Variants in GPR137 observed in about 807,000 individuals in gnomAD.
GPR137 encodes G protein-coupled receptor 137.
In GPR137, 20 loss-of-function variants were observed where a neutral mutation model predicts 38.9. That is an observed-to-expected ratio of 0.51 (90% CI 0.36 to 0.75). The LOEUF is 0.75. Among genes scored for constraint, GPR137 ranks in the 30% least tolerant of loss-of-function variants. GPR137 has a pLI of 0.00. For synonymous variants in GPR137, 226 were observed against 235.8 expected, an observed-to-expected ratio of 0.96 and a Z score of 0.38; for missense variants, 456 against 526.4, an observed-to-expected ratio of 0.87 and a Z score of 1.31.
chr11:64,287,473 C>T (rs2034224629), intron 2 of GPR137: 1 of 581,866 alleles, frequency 1.7e-6, no homozygotes, highest in African/African-American at 2.0e-5. Flanking sequence ...ACAGCAGGAT[C>T]AAGGTCGCAG....
At chr11:64,284,781 G>A (rs1394229223), upstream of GPR137, 3 of 1,532,986 alleles carry the variant, frequency 2.0e-6, no homozygotes, top group African/African-American at 1.4e-5. Flanking sequence ...CAGAGGCGGG[G>A]TCAACCCGGC....
upstream of GPR137, among the ~76,000 whole-genome samples, chr11:64,283,187 G>A (rs753767599): frequency 6.6e-5 from 10 of 152,324 alleles, no homozygotes; most frequent in Non-Finnish European, 1.3e-4. Flanking sequence ...CTGAAAATGG[G>A]GAGGAGGTCT....
chr11:64,285,524 T>A (rs930660361), upstream of GPR137: 3 of 984,838 alleles, frequency 3.0e-6, no homozygotes, highest in Middle Eastern at 5.2e-4. Flanking sequence ...GGGACGGGAA[T>A]CCGTTGCCGC....
chr11:64,289,244 C>G lies in GPR137; in HGVS notation c.*48C>G. On this transcript the variant is annotated 3_prime_UTR_variant, in exon 7 of 7. Transcript: ENST00000438980. ...TACCCAGGCCCCAGTCCCCCTCACC[C>G]TAGGCCCCTGTGCCAAGTTTGTCTG... The G allele has an allele frequency of 1.2e-6, 2 of 1,612,920 alleles. No individual in the cohort carries two copies. Among genetic ancestry groups the G allele is most frequent in the South Asian group, 2.2e-5 (2 of 91,070 alleles).
In GPR137 at chr11:64,289,391, A is replaced by G; in HGVS notation, c.*195A>G. On this transcript the variant is annotated 3_prime_UTR_variant, in exon 7 of 7. Coordinates refer to ENST00000438980, the MANE Select transcript of GPR137 (RefSeq NM_001170880.2). ...GATGGGGGGCATGGCCCTGGCTGCC[A>G]GATGCCCACAGCACCCTGGCATGAC... The G allele has an allele frequency of 6.4e-7, 1 of 1,553,690 alleles. No homozygotes were observed. Among genetic ancestry groups the G allele is most frequent in the Non-Finnish European group, 8.7e-7 (1 of 1,149,844 alleles).
rs191133016 is a variant in GPR137 at position 64,288,929 on chromosome 11, G to A, written c.1032-108G>A. 57 of 1,442,954 alleles carry A rather than the reference G, an allele frequency of 4.0e-5. No individual in the cohort carries two copies. In the East Asian group the frequency reaches 6.7e-4, roughly 17 times the overall value. The allele number at this position is 1,442,954 out of a possible 1,614,324, so 89.4% of individuals were successfully genotyped here. Reference sequence around the variant, plus strand: ...AGAGATGTACTTTGTCCTGGGCCCCGAAGGTCTAGGTCACAGGGGTTCTGT... The same window carrying A: ...AGAGATGTACTTTGTCCTGGGCCCCAAAGGTCTAGGTCACAGGGGTTCTGT... On this transcript the variant is annotated intron_variant, in intron 6 of 6. Coordinates refer to ENST00000438980, the MANE Select transcript of GPR137 (RefSeq NM_001170880.2). The surrounding 1 kb of genome is among the most constrained non-coding windows in gnomAD (Gnocchi z 5.5).
chr11:64,282,183 C>G (rs1443784113), upstream of GPR137, among the ~76,000 whole-genome samples: 1 of 152,204 alleles, frequency 6.6e-6, no homozygotes, highest in Non-Finnish European at 1.5e-5. Flanking sequence ...GCAACTGGAA[C>G]AGCCTGTGTC....
chr11:64,285,905 C>A lies in GPR137; in HGVS notation c.-620C>A. The A allele has an allele frequency of 1.0e-6, 1 of 971,156 alleles. No homozygotes were observed. Among genetic ancestry groups the A allele is most frequent in the Non-Finnish European group, 1.2e-6 (1 of 816,880 alleles). 60.2% of individuals were successfully genotyped at this position (971,156 alleles called of 1,614,324 possible). A position where few individuals can be genotyped will look rare whatever the true frequency, so the allele number is the denominator to read the frequency against. On this transcript the variant is annotated 5_prime_UTR_variant, in exon 1 of 7. Coordinates refer to ENST00000438980, the MANE Select transcript of GPR137 (RefSeq NM_001170880.2). ...GGTCCCCACGACCTGAGCCGGCTCT[C>A]CCATCAGCGGCCTGAGGACCTGGCG... is the stretch of plus-strand genomic sequence containing the variant.
chr11:64,287,827 C>A lies in GPR137; in HGVS notation c.514C>A (p.Leu172Met). The change falls in exon 3 of 7, where the codon CTG (leucine) becomes ATG (methionine). Residue 172 changes from leucine (L) to methionine (M), a missense_variant. By Grantham distance (15) the Leu-to-Met change is conservative. Coordinates refer to ENST00000438980, the MANE Select transcript of GPR137 (RefSeq NM_001170880.2). ...GCGCCGGGCACAGCCCTGGGCCCTG[C>A]TGCTTGTCCGCGTCCTGGTGAGCGA... The part of the protein sequence containing the change: ...HRRRAQPWAL[L>M]LVRVLVSDSL... 6.2e-7 allele frequency: 1 copy of A among 1,606,518 alleles called. No individual in the cohort carries two copies. Among genetic ancestry groups the A allele is most frequent in the Non-Finnish European group, 8.5e-7 (1 of 1,179,880 alleles).
intron 2 of GPR137, among the ~76,000 whole-genome samples, chr11:64,277,535 G>T (rs890093252): frequency 6.6e-6 from 1 of 152,156 alleles, no homozygotes; most frequent in Non-Finnish European, 1.5e-5. Flanking sequence ...AATCCTAGGC[G>T]CAATCGATCT....
chr11:64,284,579 C>A, upstream of GPR137: 1 of 1,493,130 alleles, frequency 6.7e-7, no homozygotes, highest in Non-Finnish European at 8.9e-7. Flanking sequence ...CCCTCAGAAC[C>A]CCGGTGGACC....
upstream of GPR137, chr11:64,271,816 AGTG>A: frequency 7.2e-7 from 1 of 1,389,044 alleles, no homozygotes; most frequent in Non-Finnish European, 9.3e-7. Context: ...GCAGAGGGTC[AGTG>A]GGTAGGGGGG....
In GPR137 at chr11:64,288,103, C is replaced by A. The variant is rs1297707018; in HGVS notation, c.672C>A (p.Ala224=). ...SVCQAAAMGG[A]MVLLYASRAC... ...GCCAGGCGGCCGCGATGGGTGGCGC[C>A]ATGGTCCTGCTCTATGCCAGCCGGG... The change falls in exon 4 of 7, where the codon GCC becomes GCA. Residue 224 remains alanine, a synonymous_variant. Coordinates refer to ENST00000438980, the MANE Select transcript of GPR137 (RefSeq NM_001170880.2). This position sits in a 1 kb window ranked among gnomAD's most constrained non-coding sequence, Gnocchi z 5.5. 1 of 1,612,268 alleles carries A rather than the reference C, an allele frequency of 6.2e-7. No individual in the cohort carries two copies. Among genetic ancestry groups the A allele is most frequent in the Non-Finnish European group, 8.5e-7 (1 of 1,179,984 alleles).
chr11:64,285,840 A>AGG (rs200037124), upstream of GPR137: 91 of 983,004 alleles, frequency 9.3e-5, no homozygotes, highest in African/African-American at 1.2e-3. Flanking sequence ...GCGGAGGGGG[A>AGG]GGGGGGCGGA....
upstream of GPR137, chr11:64,271,565 G>T: frequency 7.3e-7 from 1 of 1,366,220 alleles, no homozygotes; most frequent in South Asian, 1.7e-5. Flanking sequence ...GACCGGCGGG[G>T]GGCGGCCTGG....
In GPR137 at chr11:64,286,707, G is replaced by A. The variant is rs2034110239; in HGVS notation, c.183G>A (p.Val61=). ...ACAAGCGTCTCAGCTATCAGACGGT[G>A]TTCCTGGCCCTCTGTCTGCTCTGGG... The part of the protein sequence containing the change: ...YGHKRLSYQT[V]FLALCLLWAA... Residue 61 remains valine, a synonymous_variant, in exon 1 of 7, where the codon GTG becomes GTA. Coordinates refer to ENST00000438980, the MANE Select transcript of GPR137 (RefSeq NM_001170880.2). 6.2e-7 allele frequency: 1 copy of A among 1,613,874 alleles called. No individual in the cohort carries two copies.
chr11:64,284,609 G>C (rs1057435606), upstream of GPR137: 8 of 1,503,446 alleles, frequency 5.3e-6, no homozygotes, highest in Non-Finnish European at 7.1e-6. Flanking sequence ...CCCCGCCCGT[G>C]GTGACGGCGC....
In GPR137 at chr11:64,288,333, C is replaced by T; in HGVS notation, c.784-7C>T. 6.2e-7 allele frequency: 1 copy of T among 1,613,714 alleles called. No homozygotes were observed. The highest frequency in any genetic ancestry group is 8.5e-7 in the Non-Finnish European group (1 of 1,179,994). The stretch of plus-strand genomic sequence containing the variant: ...GCAGACTGGCACCAGCCCCTGCCTT[C>T]CCACAGGCGGACCTGGTGAATGACC... On this transcript the variant is annotated splice_polypyrimidine_tract_variant and splice_region_variant and intron_variant, in intron 4 of 6. Transcript: ENST00000438980. This position sits in a 1 kb window ranked among gnomAD's most constrained non-coding sequence, Gnocchi z 5.5.
upstream of GPR137, chr11:64,285,654 ATGCGG>A (rs2033892548): frequency 9.1e-6 from 9 of 985,018 alleles, no homozygotes; most frequent in Middle Eastern, 5.2e-4. Flanking sequence ...GACCCCCTGG[ATGCGG>A]CACGGCCCCC....
Sources: gnomAD v4.1 joint callset for allele counts (sites outside exome capture counted in the v4.1 genomes callset) on GRCh38, gnomAD v4.1.1 for gene constraint, Gnocchi (gnomAD v3.1) non-coding constraint, MANE v1.5 for transcripts, NCBI Gene and HGNC (gene_info 2026-07-23, HGNC 2026-07-21) for gene names.